PARD3B: variants seen among roughly 807,000 people sequenced by gnomAD.
PARD3B encodes partitioning defective 3 homolog B.
In PARD3B, 103 loss-of-function variants were observed where a neutral mutation model predicts 130.2. That is an observed-to-expected ratio of 0.79 (90% CI 0.67 to 0.93). PARD3B has a LOEUF of 0.93. Among genes scored for constraint, PARD3B ranks in the 40% least tolerant of loss-of-function variants. The pLI, the probability that PARD3B is intolerant of heterozygous loss-of-function variation, is 0.00. For missense variants in PARD3B, 1,609 were observed against 1,499.2 expected, an observed-to-expected ratio of 1.07 and a Z score of -1.21; for synonymous variants, 583 against 553.2, an observed-to-expected ratio of 1.05 and a Z score of -0.76.
Position 205,287,670 on chromosome 2 carries a change from T to A in PARD3B, c.2186-12860T>A, listed in dbSNP as rs531304771. Among the ~76,000 whole-genome samples, 1 of 152,168 alleles carries A rather than the reference T, an allele frequency of 6.6e-6. No homozygotes were observed. Among genetic ancestry groups the A allele is most frequent in the African/African-American group, 2.4e-5 (1 of 41,522 alleles). On this transcript the variant is annotated intron_variant, in intron 16 of 22. Coordinates refer to ENST00000406610, the MANE Select transcript of PARD3B (RefSeq NM_001302769.2). This position sits in a 1 kb window ranked among gnomAD's most constrained non-coding sequence, Gnocchi z 4.8. ...GCCAGGATGCTCATTTTAGATAGAA[T>A]AATGGGTGCCGGCTAGGAAAAAGAA...
At chr2:205,032,782 G>A (rs1697517934) in intron 3 of PARD3B, among the ~76,000 whole-genome samples, 1 of 152,082 alleles carries the variant, frequency 6.6e-6, no homozygotes, top group Non-Finnish European at 1.5e-5. Flanking sequence ...TGGCTCCAAA[G>A]CCCACCATTT....
chr2:205,361,378 C>T (rs1236038173), intron 18 of PARD3B, among the ~76,000 whole-genome samples: 1 of 152,156 alleles, frequency 6.6e-6, no homozygotes. Context: ...CCAAACAAGG[C>T]AAAAGCTGTA....
intron 10 of PARD3B, among the ~76,000 whole-genome samples, chr2:205,147,974 C>T (rs1395328688): frequency 1.3e-5 from 2 of 151,990 alleles, no homozygotes; most frequent in African/African-American, 2.4e-5. Context: ...TATCAGAGAT[C>T]ATAGGGCTAT....
At chr2:205,235,237 A>G (rs1277592810) in intron 15 of PARD3B, among the ~76,000 whole-genome samples, 1 of 152,140 alleles carries the variant, frequency 6.6e-6, no homozygotes, top group East Asian at 1.9e-4. Flanking sequence ...CCTGGGCAAC[A>G]TGACTAGACC....
chr2:205,498,923 T>C lies in PARD3B; in HGVS notation c.3045-973T>C, dbSNP rs181153735. On this transcript the variant is annotated intron_variant, in intron 20 of 22. Coordinates refer to ENST00000406610, the MANE Select transcript of PARD3B (RefSeq NM_001302769.2). The stretch of plus-strand genomic sequence containing the variant: ...GAGCACAAGTCATAATGGACTGTAG[T>C]CTTCTGTATCCCTCTCTGTCCCCTA... Among the ~76,000 whole-genome samples the C allele has an allele frequency of 1.2e-3, 188 of 152,278 alleles. 1 individual carries two copies. The highest frequency in any genetic ancestry group is 3.9e-3 in the Admixed American group (60 of 15,298).
chr2:205,422,906 C>A (rs1247067070), intron 19 of PARD3B, among the ~76,000 whole-genome samples: 1 of 151,976 alleles, frequency 6.6e-6, no homozygotes. Flanking sequence ...GACAAACAGT[C>A]ATTGCCTATC....
chr2:204,960,792 A>G (rs1162734220), intron 2 of PARD3B, among the ~76,000 whole-genome samples: 2 of 152,180 alleles, frequency 1.3e-5, no homozygotes, highest in Non-Finnish European at 2.9e-5. Flanking sequence ...GAGACAGGCA[A>G]TAAAATAAGA....
At chr2:205,000,888 G>GT (rs1559344674) in intron 3 of PARD3B, among the ~76,000 whole-genome samples, 2 of 152,106 alleles carry the variant, frequency 1.3e-5, no homozygotes, top group African/African-American at 4.8e-5. Flanking sequence ...GGGCCTTAGG[G>GT]TTTTTTGGTT....
At chr2:204,982,369 G>C (rs147217364) in intron 3 of PARD3B, among the ~76,000 whole-genome samples, 1 of 152,270 alleles carries the variant, frequency 6.6e-6, no homozygotes, top group Non-Finnish European at 1.5e-5. Context: ...ACTCACAGAC[G>C]ACCAAGTTCT....
intron 16 of PARD3B, among the ~76,000 whole-genome samples, chr2:205,275,620 GAC>G (rs2040910854): frequency 2.6e-5 from 4 of 151,994 alleles, no homozygotes; most frequent in Admixed American, 1.3e-4. Flanking sequence ...TGGATCAGCT[GAC>G]GTCAGAAGTT....
At chr2:204,896,226 A>G (rs551125646) in intron 2 of PARD3B, among the ~76,000 whole-genome samples, 81 of 152,236 alleles carry the variant, frequency 5.3e-4, no homozygotes, top group Non-Finnish European at 1.0e-3. Context: ...GTTAGGTTTT[A>G]TAAAGGAGGA....
At position 205,276,308 on chromosome 2, in the gene PARD3B, G is replaced by A. The variant is rs939661522; in HGVS notation, c.2186-24222G>A. Among the ~76,000 whole-genome samples, 1 of 152,198 alleles carries A rather than the reference G, an allele frequency of 6.6e-6. No homozygotes were observed. Among genetic ancestry groups the A allele is most frequent in the Non-Finnish European group, 1.5e-5 (1 of 68,038 alleles). On this transcript the variant is annotated intron_variant, in intron 16 of 22. Coordinates refer to ENST00000406610, the MANE Select transcript of PARD3B (RefSeq NM_001302769.2). The surrounding 1 kb of genome is among the most constrained non-coding windows in gnomAD (Gnocchi z 5.0). ...GCTGACAGCCTTGGCAAACAACCTA[G>A]AGAGAAAATATGTCTTCTGAAAAGA... is the stretch of plus-strand genomic sequence containing the variant.
At chr2:205,370,919 C>T (rs1296538514) in intron 18 of PARD3B, among the ~76,000 whole-genome samples, 3 of 152,068 alleles carry the variant, frequency 2.0e-5, no homozygotes, top group Non-Finnish European at 4.4e-5. Context: ...GGGTGGTCTG[C>T]AGTCCATATT....
In PARD3B at chr2:204,967,619, A is replaced by G. The variant is rs1691363991; in HGVS notation, c.394+2296A>G. 6.6e-6 allele frequency among the ~76,000 whole-genome samples: 1 copy of G among 152,230 alleles called. No homozygotes were observed. The highest frequency in any genetic ancestry group is 1.5e-5 in the Non-Finnish European group (1 of 68,040). On this transcript the variant is annotated intron_variant, in intron 3 of 22. Coordinates refer to ENST00000406610, the MANE Select transcript of PARD3B (RefSeq NM_001302769.2). The surrounding 1 kb of genome is among the most constrained non-coding windows in gnomAD (Gnocchi z 4.4). ...AAAAAATCATCCCTTACCCACTTTC[A>G]TGGTTCTAGCAGTTTGAGTACTTTG... is the stretch of plus-strand genomic sequence containing the variant.
intron 3 of PARD3B, among the ~76,000 whole-genome samples, chr2:205,023,683 G>A (rs1018984709): frequency 6.6e-6 from 1 of 151,576 alleles, no homozygotes; most frequent in Admixed American, 6.6e-5. Context: ...TTGCTGAAAG[G>A]GGATTCTATG....
intron 1 of PARD3B, among the ~76,000 whole-genome samples, chr2:204,626,328 G>A (rs2034485835): frequency 6.6e-6 from 1 of 152,070 alleles, no homozygotes; most frequent in South Asian, 2.1e-4. Context: ...AACATACTCA[G>A]CTATGAATTC....
chr2:205,022,691 G>C (rs780539695), intron 3 of PARD3B, among the ~76,000 whole-genome samples: 2 of 152,100 alleles, frequency 1.3e-5, no homozygotes, highest in Non-Finnish European at 2.9e-5. Context: ...CAAGAATTAG[G>C]TGAAAGTTTC....
chr2:204,932,205 G>A (rs1688085307), intron 2 of PARD3B, among the ~76,000 whole-genome samples: 1 of 152,040 alleles, frequency 6.6e-6, no homozygotes, highest in Admixed American at 6.6e-5. Context: ...GTTTTTATGT[G>A]CCTTTAAAAA....
intron 21 of PARD3B, among the ~76,000 whole-genome samples, chr2:205,546,264 A>G (rs973377397): frequency 7.2e-5 from 11 of 152,180 alleles, no homozygotes; most frequent in African/African-American, 2.7e-4. Context: ...TCACTTCCTG[A>G]GCTATATCAG....
Sources: gnomAD v4.1 joint callset for allele counts (sites outside exome capture counted in the v4.1 genomes callset) on GRCh38, gnomAD v4.1.1 for gene constraint, Gnocchi (gnomAD v3.1) non-coding constraint, MANE v1.5 for transcripts, NCBI Gene and HGNC (gene_info 2026-07-23, HGNC 2026-07-21) for gene names.